The following RANBP17 variants were observed in gnomAD, a reference collection of about 807,000 sequenced individuals.
The protein encoded by RANBP17 is RAN binding protein 17, also known as ran-binding protein 17.
RANBP17 carries 158 observed loss-of-function variants against 141.2 expected under a neutral mutation model. The observed-to-expected ratio is 1.12, with a 90% confidence interval of 0.98 to 1.28. The LOEUF (loss-of-function observed/expected upper bound fraction) is 1.28. RANBP17 is among the 50% of genes most tolerant of loss of function. RANBP17 has a pLI of 0.00. For synonymous variants in RANBP17, 430 were observed against 450.0 expected, an observed-to-expected ratio of 0.96 and a Z score of 0.56; for missense variants, 1,438 against 1,290.7, an observed-to-expected ratio of 1.11 and a Z score of -1.75.
Position 171,183,227 on chromosome 5 carries a change from C to A in RANBP17, c.1926C>A (p.His642Gln). 1 of 1,598,924 alleles carries A rather than the reference C, an allele frequency of 6.3e-7. No individual in the cohort carries two copies. The highest frequency in any genetic ancestry group is 8.6e-7 in the Non-Finnish European group (1 of 1,166,328). Residue 642 changes from histidine to glutamine, a missense_variant, in exon 17 of 28, where the codon CAC (histidine) becomes CAA (glutamine). Transcript: ENST00000523189. ...CTGTGAAATTCATGCTAAAAAACCA[C>A]ACGGTAAGTCTTATTTCTTTAATTA... ...IDAVKFMLKN[H>Q]TSEHFPFLGI...
At chr5:171,055,901 A>G (rs1214083327) in intron 14 of RANBP17, among the ~76,000 whole-genome samples, 1 of 151,272 alleles carries the variant, frequency 6.6e-6, no homozygotes, top group African/African-American at 2.4e-5. Flanking sequence ...AAAAAACAAA[A>G]AAAAAAACAT....
At chr5:171,256,164 A>G (rs1019816768) in intron 24 of RANBP17, among the ~76,000 whole-genome samples, 19 of 152,188 alleles carry the variant, frequency 1.2e-4, no homozygotes, top group Non-Finnish European at 1.9e-4. Context: ...ATCATGAGGT[A>G]TTTGACTGGG....
intron 14 of RANBP17, among the ~76,000 whole-genome samples, chr5:171,123,018 C>A (rs1756155929): frequency 6.6e-6 from 1 of 152,166 alleles, no homozygotes; most frequent in Admixed American, 6.5e-5. Context: ...CAGTGCAGCA[C>A]ACCAGGAGTA....
chr5:170,892,688 T>C lies in RANBP17; in HGVS notation c.423+135T>C, dbSNP rs1010886647. The C allele has an allele frequency of 6.1e-6, 4 of 661,140 alleles. No homozygotes were observed. The African/African-American group carries it at 7.4e-5, about 12-fold the overall frequency. 41.0% of individuals were successfully genotyped at this position (661,140 alleles called of 1,614,324 possible). A position where few individuals can be genotyped will look rare whatever the true frequency, so the allele number is the denominator to read the frequency against. ...TAATTATGATTTATTATTTATCCTC[T>C]GGATCCTTTATCATTTATTGTTAGT... On this transcript the variant is annotated intron_variant, in intron 4 of 27. Transcript: ENST00000523189.
chr5:171,110,073 A>G (rs1755115616), intron 14 of RANBP17, among the ~76,000 whole-genome samples: 1 of 151,834 alleles, frequency 6.6e-6, no homozygotes, highest in Non-Finnish European at 1.5e-5. Flanking sequence ...TTTCTTATTT[A>G]TATATTTTAT....
intron 19 of RANBP17, among the ~76,000 whole-genome samples, chr5:171,201,919 A>G (rs1219178441): frequency 6.6e-6 from 1 of 152,234 alleles, no homozygotes; most frequent in Non-Finnish European, 1.5e-5. Flanking sequence ...TTGTTCTTCA[A>G]TAAAGTATTT....
At chr5:171,253,187 A>G (rs1343254054) in intron 24 of RANBP17, among the ~76,000 whole-genome samples, 7 of 152,334 alleles carry the variant, frequency 4.6e-5, no homozygotes, top group African/African-American at 1.7e-4. Context: ...CTCAGGTATC[A>G]TGCTGTCTGT....
chr5:170,914,070 A>G (rs913974277), intron 7 of RANBP17, 97 bp from the exon 8 acceptor site: 2 of 769,750 alleles, frequency 2.6e-6, no homozygotes, highest in African/African-American at 3.4e-5. Flanking sequence ...GGCCACATGC[A>G]GAGGCCTTGG....
rs369051193 is a variant in RANBP17 at position 170,924,422 on chromosome 5, C to G, written c.1340C>G (p.Thr447Arg). 6.2e-7 allele frequency: 1 copy of G among 1,612,426 alleles called. No homozygotes were observed. The highest frequency in any genetic ancestry group is 1.3e-5 in the African/African-American group (1 of 74,872). The change falls in exon 12 of 28, where the codon ACG (threonine) becomes AGG (arginine). Residue 447 changes from threonine to arginine, a missense_variant. Physicochemically the swap from Thr to Arg is moderately conservative, Grantham distance 71. Coordinates refer to ENST00000523189, the MANE Select transcript of RANBP17 (RefSeq NM_022897.5). ...TTTCAGCAGTTGGAGCAGTTGTGCA[C>G]GGTCAGCAGATGTGAATATGAAAAG... ...TVFQQLEQLC[T>R]VSRCEYEKTC...
chr5:171,202,946 G>A (rs947926358), intron 19 of RANBP17, among the ~76,000 whole-genome samples: 1 of 152,104 alleles, frequency 6.6e-6, no homozygotes. Flanking sequence ...CTGTTTTGGG[G>A]GTCAGGGTGG....
chr5:171,012,645 GGTC>G (rs1780135512), intron 14 of RANBP17, among the ~76,000 whole-genome samples: 1 of 152,020 alleles, frequency 6.6e-6, no homozygotes, highest in Admixed American at 6.6e-5. Flanking sequence ...CATTTTCAGT[GGTC>G]ATACCCAAAG....
intron 14 of RANBP17, among the ~76,000 whole-genome samples, chr5:171,088,554 G>A (rs1785899592): frequency 6.6e-6 from 1 of 152,238 alleles, no homozygotes; most frequent in Non-Finnish European, 1.5e-5. Context: ...ATCCTGCAGA[G>A]TGTTTTCCAA....
At chr5:171,161,862 G>A (rs1759373906) in intron 14 of RANBP17, among the ~76,000 whole-genome samples, 1 of 152,202 alleles carries the variant, frequency 6.6e-6, no homozygotes, top group Admixed American at 6.5e-5. Context: ...GTCAGAATGT[G>A]TTTCTGGCTG....
At position 171,213,596 on chromosome 5, in the gene RANBP17, T is replaced by C. The variant is rs983514679; in HGVS notation, c.2232-35T>C. The C allele has an allele frequency of 2.1e-6, 3 of 1,450,874 alleles. No homozygotes were observed. The Admixed American group carries it at 5.0e-5, about 24-fold the overall frequency. 89.9% of individuals were successfully genotyped at this position (1,450,874 alleles called of 1,614,324 possible). ...CTAATTTTCAGAAACAGTATTTCTTTAGACCCTTAAATTCTTTAACAGGCT... is the reference window on the plus strand; with the variant it reads ...CTAATTTTCAGAAACAGTATTTCTTCAGACCCTTAAATTCTTTAACAGGCT... On this transcript the variant is annotated intron_variant, in intron 20 of 27. Transcript: ENST00000523189.
chr5:171,046,210 T>C (rs1224933434), intron 14 of RANBP17, among the ~76,000 whole-genome samples: 1 of 149,690 alleles, frequency 6.7e-6, no homozygotes, highest in Non-Finnish European at 1.5e-5. Context: ...TCTGCCTTTT[T>C]TTTTTTTTTT....
In RANBP17 at chr5:170,977,543, A is replaced by G. The variant is rs372981516; in HGVS notation, c.1710+9166A>G. ...ACACTCTACATAAACATTTGCACAC[A>G]TGTTCACAGAAGCATTATTTCCAAT... is the stretch of plus-strand genomic sequence containing the variant. On this transcript the variant is annotated intron_variant, in intron 14 of 27. Coordinates refer to ENST00000523189, the MANE Select transcript of RANBP17 (RefSeq NM_022897.5). Among the ~76,000 whole-genome samples, 63 of 152,234 alleles carry G rather than the reference A, an allele frequency of 4.1e-4. 1 individual carries two copies. The South Asian group carries it at 0.012, about 30-fold the overall frequency.
At chr5:171,233,019 G>T (rs1392038625) in intron 22 of RANBP17, among the ~76,000 whole-genome samples, 1 of 151,980 alleles carries the variant, frequency 6.6e-6, no homozygotes, top group African/African-American at 2.4e-5. Flanking sequence ...ATACCTCAGT[G>T]GGCAAACCAA....
intron 14 of RANBP17, among the ~76,000 whole-genome samples, chr5:171,110,442 A>C (rs528415477): frequency 8.5e-5 from 13 of 152,142 alleles, no homozygotes; most frequent in Admixed American, 5.9e-4. Context: ...CTCACCGTTC[A>C]CTAGCCCTTT....
At chr5:170,997,064 T>C (rs1416873854) in intron 14 of RANBP17, among the ~76,000 whole-genome samples, 1 of 152,194 alleles carries the variant, frequency 6.6e-6, no homozygotes, top group East Asian at 1.9e-4. Context: ...CCCCCCATGC[T>C]GTTCTCGTGA....
Sources: gnomAD v4.1 joint callset for allele counts (sites outside exome capture counted in the v4.1 genomes callset) on GRCh38, gnomAD v4.1.1 for gene constraint, MANE v1.5 for transcripts, NCBI Gene and HGNC (gene_info 2026-07-23, HGNC 2026-07-21) for gene names.